Variants in MBNL2 observed in about 807,000 individuals in gnomAD.
MBNL2 encodes muscleblind-like protein 2.
In MBNL2, 17 loss-of-function variants were observed where a neutral mutation model predicts 41.9. The ratio of observed to expected loss-of-function variants is 0.41; its 90% CI spans 0.28 to 0.61. The LOEUF (loss-of-function observed/expected upper bound fraction) is 0.61. Ranked by LOEUF, MBNL2 falls within the 20% of genes least tolerant of loss-of-function variation. The pLI is 0.35. For synonymous variants in MBNL2, 195 were observed against 182.9 expected (o/e 1.07, Z -0.53); for missense variants, 336 against 505.6 (o/e 0.66, Z 3.22).
the MBNL2 span, among the ~76,000 whole-genome samples, chr13:97,196,212 T>C: frequency 2.0e-5 from 3 of 152,160 alleles, no homozygotes; most frequent in Non-Finnish European, 4.4e-5. Flanking sequence ...CCAACTGATA[T>C]AGGAAATGCA....
chr13:97,354,283 T>C (rs2062788769), intron 5 of MBNL2, among the ~76,000 whole-genome samples: 2 of 152,196 alleles, frequency 1.3e-5, no homozygotes, highest in Admixed American at 1.3e-4. Flanking sequence ...GATCTTTCAA[T>C]GTAGGTAAAC....
intron 5 of MBNL2, among the ~76,000 whole-genome samples, chr13:97,347,384 G>A (rs1473943422): frequency 6.6e-6 from 1 of 152,158 alleles, no homozygotes; most frequent in Non-Finnish European, 1.5e-5. Flanking sequence ...CAGGGGCCTT[G>A]TAATGAACAT....
At chr13:97,381,079 C>G (rs2065409101) in intron 8 of MBNL2, among the ~76,000 whole-genome samples, 1 of 149,822 alleles carries the variant, frequency 6.7e-6, no homozygotes, top group South Asian at 2.1e-4. Flanking sequence ...CTCTATCTCT[C>G]CCTCTCTGTC....
chr13:97,307,101 A>T (rs1442946863), intron 2 of MBNL2, among the ~76,000 whole-genome samples: 2 of 152,232 alleles, frequency 1.3e-5, no homozygotes, highest in African/African-American at 4.8e-5. Flanking sequence ...GGAGAGAAAG[A>T]AAGTCTAAAT....
intron 1 of MBNL2, among the ~76,000 whole-genome samples, chr13:97,253,781 TTAA>T (rs1480450132): frequency 6.6e-6 from 1 of 152,122 alleles, no homozygotes; most frequent in Non-Finnish European, 1.5e-5. Flanking sequence ...TTAATACGTA[TTAA>T]TAAGTTCTTA....
At chr13:97,333,954 AGAAGGAAG>A (rs1188891589) in intron 2 of MBNL2, among the ~76,000 whole-genome samples, 3 of 110,240 alleles carry the variant, frequency 2.7e-5, no homozygotes, top group South Asian at 3.3e-4. Flanking sequence ...AAAGAAAGAA[AGAAGGAAG>A]GAAGGAAGGG....
chr13:97,288,010 A>G (rs1180412440), intron 2 of MBNL2, among the ~76,000 whole-genome samples: 1 of 149,198 alleles, frequency 6.7e-6, no homozygotes, highest in Admixed American at 6.7e-5. Flanking sequence ...CTGACCTCAA[A>G]CAATCCACCT....
the MBNL2 span, among the ~76,000 whole-genome samples, chr13:97,199,582 A>G: frequency 1.3e-5 from 2 of 152,240 alleles, no homozygotes; most frequent in African/African-American, 4.8e-5. Flanking sequence ...GACATTTAAA[A>G]AATGCTGTGG....
At chr13:97,212,777 A>T in the MBNL2 span, among the ~76,000 whole-genome samples, 4 of 152,234 alleles carry the variant, frequency 2.6e-5, no homozygotes, top group Middle Eastern at 3.2e-3. Context: ...TTTGTCGTCA[A>T]CACTATGTGA....
chr13:97,224,154 C>A (rs1171443990), intron 1 of MBNL2, among the ~76,000 whole-genome samples: 1 of 152,146 alleles, frequency 6.6e-6, no homozygotes, highest in East Asian at 1.9e-4. Context: ...TTTTTTCTGG[C>A]CTGACTCCCC....
intron 3 of MBNL2, among the ~76,000 whole-genome samples, chr13:97,336,123 A>T (rs2060861862): frequency 6.6e-6 from 1 of 152,204 alleles, no homozygotes; most frequent in East Asian, 1.9e-4. Flanking sequence ...GTTAACTATT[A>T]GTTGAACTTT....
At chr13:97,328,794 A>C (rs1405998791) in intron 2 of MBNL2, among the ~76,000 whole-genome samples, 16 of 152,124 alleles carry the variant, frequency 1.1e-4, no homozygotes, top group Non-Finnish European at 1.6e-4. Flanking sequence ...TTAATGGGAG[A>C]GTCTTTAATA....
intron 4 of MBNL2, among the ~76,000 whole-genome samples, chr13:97,344,091 C>T (rs568335858): frequency 2.0e-5 from 3 of 152,376 alleles, no homozygotes; most frequent in Non-Finnish European, 4.4e-5. Flanking sequence ...CAGGCGTGAG[C>T]CACCGCGCCC....
the MBNL2 span, among the ~76,000 whole-genome samples, chr13:97,171,942 T>C: frequency 5.9e-5 from 9 of 152,324 alleles, no homozygotes; most frequent in Non-Finnish European, 1.2e-4. Flanking sequence ...CTATGTAAGA[T>C]GTGCCTTTTG....
chr13:97,204,856 C>A, the MBNL2 span, among the ~76,000 whole-genome samples: 2 of 152,016 alleles, frequency 1.3e-5, no homozygotes, highest in African/African-American at 4.8e-5. Flanking sequence ...GGCAAATCAC[C>A]TGAGGTCAGG....
At chr13:97,191,964 T>A in the MBNL2 span, among the ~76,000 whole-genome samples, 1 of 152,268 alleles carries the variant, frequency 6.6e-6, no homozygotes, top group South Asian at 2.1e-4. Context: ...TGTTTATAGG[T>A]CAGGGATGAC....
upstream of MBNL2, among the ~76,000 whole-genome samples, chr13:97,220,668 C>T (rs2040780414): frequency 6.6e-6 from 1 of 152,168 alleles, no homozygotes. Context: ...GCCTGAGTTC[C>T]AGAGACTGCC....
At chr13:97,233,024 T>C (rs1322111216) in intron 1 of MBNL2, among the ~76,000 whole-genome samples, 2 of 150,212 alleles carry the variant, frequency 1.3e-5, no homozygotes, top group Non-Finnish European at 3.0e-5. Flanking sequence ...GCTGTTGTGA[T>C]TTTGTTGCTC....
chr13:97,181,728 C>T, the MBNL2 span, among the ~76,000 whole-genome samples: 1 of 152,172 alleles, frequency 6.6e-6, no homozygotes, highest in East Asian at 1.9e-4. Flanking sequence ...AAGAGGACAG[C>T]TATTCCTGGT....
Sources: gnomAD v4.1 joint callset for allele counts (sites outside exome capture counted in the v4.1 genomes callset) on GRCh38, gnomAD v4.1.1 for gene constraint, MANE v1.5 for transcripts, NCBI Gene and HGNC (gene_info 2026-07-23, HGNC 2026-07-21) for gene names.